The following ARHGAP31 variants were observed in gnomAD, a reference collection of about 807,000 sequenced individuals.
The protein encoded by ARHGAP31 is rho GTPase-activating protein 31.
Under a neutral mutation model 113.9 loss-of-function variants are expected in ARHGAP31, and 34 were observed. That is an observed-to-expected ratio of 0.30 (90% CI 0.23 to 0.40). The LOEUF (loss-of-function observed/expected upper bound fraction) is 0.40, where lower values mean the gene tolerates loss of function less well. ARHGAP31 is among the 10% of genes least tolerant of loss of function. The pLI is 1.00. For synonymous variants in ARHGAP31, 650 were observed against 684.8 expected, an observed-to-expected ratio of 0.95 and a Z score of 0.79; for missense variants, 1,548 against 1,767.1, an observed-to-expected ratio of 0.88 and a Z score of 2.22.
chr3:119,390,117 C>T (rs2080490624), intron 6 of ARHGAP31, among the ~76,000 whole-genome samples: 1 of 151,956 alleles, frequency 6.6e-6, no homozygotes, highest in African/African-American at 2.4e-5. Flanking sequence ...TAATCCTGTG[C>T]ATCAGCGATT....
At chr3:119,355,070 T>A (rs2080143770) in intron 1 of ARHGAP31, among the ~76,000 whole-genome samples, 1 of 152,108 alleles carries the variant, frequency 6.6e-6, no homozygotes, top group Non-Finnish European at 1.5e-5. Context: ...TTGGGGAGTG[T>A]TTGAACCATG....
At chr3:119,334,214 CT>C (rs2079921378) in intron 1 of ARHGAP31, among the ~76,000 whole-genome samples, 1 of 152,154 alleles carries the variant, frequency 6.6e-6, no homozygotes, top group South Asian at 2.1e-4. Context: ...TCCCCCTCAT[CT>C]CCTGTTTGGC....
intron 1 of ARHGAP31, chr3:119,322,791 C>T (rs895191899): frequency 6.5e-6 from 1 of 153,288 alleles, no homozygotes; most frequent in African/African-American, 2.4e-5. Flanking sequence ...TCCTCCCGCT[C>T]CTGTTGCGGG....
intron 1 of ARHGAP31, among the ~76,000 whole-genome samples, chr3:119,363,737 G>A (rs1347936637): frequency 1.3e-5 from 2 of 152,214 alleles, no homozygotes; most frequent in African/African-American, 4.8e-5. Context: ...GTAGGCATGA[G>A]TATATGTAAT....
At chr3:119,381,373 C>T (rs1402863741) in intron 4 of ARHGAP31, among the ~76,000 whole-genome samples, 1 of 152,162 alleles carries the variant, frequency 6.6e-6, no homozygotes, top group African/African-American at 2.4e-5. Flanking sequence ...GCTGATTGTT[C>T]TATTTGCTCA....
rs771931706 is a variant in ARHGAP31 at position 119,294,978 on chromosome 3, A to T, written c.74A>T (p.Glu25Val). 6.2e-7 allele frequency: 1 copy of T among 1,614,018 alleles called. No individual in the cohort carries two copies. Among genetic ancestry groups the T allele is most frequent in the East Asian group, 2.2e-5 (1 of 44,854 alleles). Residue 25 changes from glutamate (E) to valine (V), a missense_variant, in exon 1 of 12, where the codon GAG becomes GTG. Glu to Val is a moderately radical substitution (Grantham distance 121, BLOSUM62 -2). Coordinates refer to ENST00000264245, the MANE Select transcript of ARHGAP31 (RefSeq NM_020754.4). Reference sequence around the variant, plus strand: ...AGCGCGTTTGGCTGTGACCTGACGGAGTATCTGGAAAGCTCGGGACAGGAT... The same window carrying T: ...AGCGCGTTTGGCTGTGACCTGACGGTGTATCTGGAAAGCTCGGGACAGGAT... ...AASAFGCDLT[E>V]YLESSGQDVP...
intron 6 of ARHGAP31, among the ~76,000 whole-genome samples, chr3:119,384,510 C>A (rs1324100541): frequency 6.6e-6 from 1 of 152,186 alleles, no homozygotes; most frequent in Admixed American, 6.5e-5. Flanking sequence ...AATCAAGGGG[C>A]TAGCACCTGG....
intron 1 of ARHGAP31, among the ~76,000 whole-genome samples, chr3:119,346,304 C>T (rs2080056320): frequency 6.6e-6 from 1 of 152,200 alleles, no homozygotes; most frequent in Admixed American, 6.5e-5. Context: ...AAACAAACCC[C>T]TCCTTCTTGC....
intron 1 of ARHGAP31, among the ~76,000 whole-genome samples, chr3:119,335,737 AGTTGTTCTG>A: frequency 6.6e-6 from 1 of 152,072 alleles, no homozygotes; most frequent in East Asian, 1.9e-4. Context: ...AGCTGTCAGG[AGTTGTTCTG>A]GTTTTGGGGT....
At chr3:119,321,156 T>C (rs2079780394) in intron 1 of ARHGAP31, among the ~76,000 whole-genome samples, 1 of 151,870 alleles carries the variant, frequency 6.6e-6, no homozygotes, top group Non-Finnish European at 1.5e-5. Flanking sequence ...AACTTCCATA[T>C]ACCCTTTTTA....
At chr3:119,390,684 C>T (rs751171384) in intron 6 of ARHGAP31, 101 bp from the exon 7 acceptor site, 241 of 1,309,964 alleles carry the variant, frequency 1.8e-4, no homozygotes, top group African/African-American at 4.2e-4. Flanking sequence ...GCACTCAGCC[C>T]CCATCATAGG....
At chr3:119,325,933 G>A (rs1276850430) in intron 1 of ARHGAP31, among the ~76,000 whole-genome samples, 2 of 152,192 alleles carry the variant, frequency 1.3e-5, no homozygotes, top group Admixed American at 6.5e-5. Context: ...GCTCACGCCT[G>A]TAATCCCAGC....
chr3:119,368,619 G>C, intron 3 of ARHGAP31, 103 bp downstream of exon 3: 2 of 1,429,138 alleles, frequency 1.4e-6, no homozygotes, highest in Non-Finnish European at 1.9e-6. Context: ...CCAGATGGTT[G>C]ACATTATCTT....
Position 119,337,540 on chromosome 3 carries a change from C to T in ARHGAP31, c.101-27776C>T, listed in dbSNP as rs188786676. Among the ~76,000 whole-genome samples, 5 of 152,290 alleles carry T rather than the reference C, an allele frequency of 3.3e-5. No homozygotes were observed. The East Asian group carries it at 7.7e-4, about 23-fold the overall frequency. On this transcript the variant is annotated intron_variant, in intron 1 of 11. Transcript: ENST00000264245. ...GATTTGCCACTGTGGGTGCCAGTGG[C>T]CTGCTTTTATTCCCTTATTTGGCCC...
Position 119,415,855 on chromosome 3 carries a change from A to T in ARHGAP31, c.3926A>T (p.Lys1309Met), listed in dbSNP as rs2107647996. 2.5e-6 allele frequency: 4 copies of T among 1,614,242 alleles called. No individual in the cohort carries two copies. Among genetic ancestry groups the T allele is most frequent in the South Asian group, 1.1e-5 (1 of 91,086 alleles). The change falls in exon 12 of 12, where the codon AAG becomes ATG. Residue 1309 changes from lysine to methionine, a missense_variant. Lys to Met is a moderately conservative substitution (Grantham distance 95). Coordinates refer to ENST00000264245, the MANE Select transcript of ARHGAP31 (RefSeq NM_020754.4). The stretch of plus-strand genomic sequence containing the variant: ...CAGGATGCAGTAGTGCAATGCAGAA[A>T]GCGCATGTCAGAGACAGAGCCATCT... The part of the protein sequence containing the change: ...STQDAVVQCR[K>M]RMSETEPSGD...
At chr3:119,297,496 C>T (rs1415341811) in intron 1 of ARHGAP31, among the ~76,000 whole-genome samples, 1 of 107,934 alleles carries the variant, frequency 9.3e-6, no homozygotes, top group Non-Finnish European at 1.8e-5. Context: ...AAAGGTGGTG[C>T]AGTAGACCTG....
rs147853530 is a variant in ARHGAP31, at chr3:119,383,340, T to G, written c.682+114T>G. The G allele has an allele frequency of 2.4e-3, 3,282 of 1,343,952 alleles. 53 individuals are homozygous for G. In the African/African-American group the frequency reaches 0.039, roughly 16 times the overall value. The allele number at this position is 1,343,952 out of a possible 1,614,324, so 83.3% of individuals were successfully genotyped here. On this transcript the variant is annotated intron_variant, in intron 6 of 11. Coordinates refer to ENST00000264245, the MANE Select transcript of ARHGAP31 (RefSeq NM_020754.4). ...TAGTTCTAGCTCTGAGTGTTGGCTGTGTGTATGCTGACTACTGTGTGTCAG... is the reference window on the plus strand; with the variant it reads ...TAGTTCTAGCTCTGAGTGTTGGCTGGGTGTATGCTGACTACTGTGTGTCAG...
chr3:119,381,783 G>C (rs2080399886), intron 4 of ARHGAP31, among the ~76,000 whole-genome samples: 1 of 152,070 alleles, frequency 6.6e-6, no homozygotes, highest in Admixed American at 6.5e-5. Context: ...TCAGGAGATC[G>C]AGACCATCAT....
At chr3:119,307,667 A>T (rs1363165108) in intron 1 of ARHGAP31, among the ~76,000 whole-genome samples, 1 of 152,194 alleles carries the variant, frequency 6.6e-6, no homozygotes, top group Non-Finnish European at 1.5e-5. Flanking sequence ...TAATCTAAAA[A>T]TAATTCTTCC....
Sources: allele counts gnomAD v4.1 joint callset (sites outside exome capture counted in the v4.1 genomes callset), GRCh38; gene constraint gnomAD v4.1.1; transcripts MANE v1.5; gene names NCBI Gene and HGNC (gene_info 2026-07-23, HGNC 2026-07-21).